Variants in RFC4 observed in about 807,000 individuals in gnomAD.
RFC4 encodes A1 37 kDa subunit.
In RFC4, 38 loss-of-function variants were observed where a neutral mutation model predicts 47.6. The ratio of observed to expected loss-of-function variants is 0.80; its 90% CI spans 0.62 to 1.05. RFC4 has a LOEUF of 1.05. Among genes scored for constraint, RFC4 ranks in the 50% least tolerant of loss-of-function variants. RFC4 has a pLI of 0.00. For missense variants in RFC4, 489 were observed against 434.0 expected (o/e 1.13, Z -1.13); for synonymous variants, 164 against 150.0 (o/e 1.09, Z -0.68).
intron 4 of RFC4, among the ~76,000 whole-genome samples, chr3:186,795,083 C>T (rs1054975085): frequency 7.2e-5 from 11 of 152,240 alleles, no homozygotes; most frequent in African/African-American, 2.7e-4. Context: ...TGGCTCACTG[C>T]AGCCTTGAAC....
chr3:186,792,614 T>C lies in RFC4; in HGVS notation c.555-4A>G. 1.2e-6 allele frequency: 2 copies of C among 1,608,536 alleles called. No homozygotes were observed. The highest frequency in any genetic ancestry group is 1.7e-6 in the Non-Finnish European group (2 of 1,177,494). The stretch of plus-strand genomic sequence containing the variant: ...AGAGGTCAGGGGTTCAATTATTCTG[T>C]GGAAGATGAGAAAAACCAAGTTGGT... On this transcript the variant is annotated splice_polypyrimidine_tract_variant and splice_region_variant and intron_variant, in intron 6 of 10. Transcript: ENST00000296273.
chr3:186,806,112 A>G (rs1274358045), intron 1 of RFC4, among the ~76,000 whole-genome samples, 178 bp downstream of exon 1: 1 of 152,228 alleles, frequency 6.6e-6, no homozygotes, highest in East Asian at 1.9e-4. Context: ...ACATTAATAC[A>G]GCCCAAAGCC....
chr3:186,798,572 T>C lies in RFC4; in HGVS notation c.211-958A>G, dbSNP rs557060250. On this transcript the variant is annotated intron_variant, in intron 3 of 10. Coordinates refer to ENST00000296273, the MANE Select transcript of RFC4 (RefSeq NM_002916.5). ...CCAAAAAACCCTCAGCTTTTTACCA[T>C]GGCCTAAAGGACTTCCATGATCTGC... Among the ~76,000 whole-genome samples the C allele has an allele frequency of 4.6e-5, 7 of 152,224 alleles. No individual in the cohort carries two copies. The South Asian group carries it at 1.4e-3, about 32-fold the overall frequency.
intron 3 of RFC4, among the ~76,000 whole-genome samples, chr3:186,798,314 C>T (rs73886088): frequency 0.016 from 2,392 of 152,142 alleles, 55 homozygotes; most frequent in African/African-American, 0.053. Context: ...GTCGACTGAT[C>T]CGTGGTGAAA....
chr3:186,798,442 A>C (rs1032637149), intron 3 of RFC4, among the ~76,000 whole-genome samples: 2 of 151,956 alleles, frequency 1.3e-5, no homozygotes, highest in East Asian at 3.9e-4. Flanking sequence ...GTTTGTTTCC[A>C]CTCTTGCCTA....
At chr3:186,792,372 T>A in intron 7 of RFC4, 118 bp downstream of exon 7, 2 of 806,586 alleles carry the variant, frequency 2.5e-6, no homozygotes, top group Non-Finnish European at 3.9e-6. Flanking sequence ...TAGCTTAAGT[T>A]TGTCTGAAGA....
At chr3:186,803,450 T>C (rs1722402998) in intron 2 of RFC4, among the ~76,000 whole-genome samples, 1 of 152,208 alleles carries the variant, frequency 6.6e-6, no homozygotes, top group Non-Finnish European at 1.5e-5. Flanking sequence ...TTACCGAGGC[T>C]ACATTCAACC....
intron 2 of RFC4, among the ~76,000 whole-genome samples, chr3:186,801,710 C>CAAAAAAAAA (rs34281312): frequency 4.1e-5 from 3 of 72,896 alleles, no homozygotes; most frequent in African/African-American, 1.1e-4. Flanking sequence ...GACTCTGTCT[C>CAAAAAAAAA]AAAAAAAAAA....
chr3:186,797,879 C>A (rs939237910), intron 3 of RFC4, among the ~76,000 whole-genome samples: 1 of 152,174 alleles, frequency 6.6e-6, no homozygotes, highest in African/African-American at 2.4e-5. Flanking sequence ...TATAGCTAAT[C>A]CACTTAGGTG....
chr3:186,795,312 G>A (rs1016466579), intron 4 of RFC4, among the ~76,000 whole-genome samples: 4 of 152,174 alleles, frequency 2.6e-5, no homozygotes, highest in South Asian at 4.1e-4. Flanking sequence ...ATTTTAAATC[G>A]ATTTTCCACT....
At chr3:186,790,502 C>A in intron 8 of RFC4, 96 bp from the exon 9 acceptor site, 1 of 846,582 alleles carries the variant, frequency 1.2e-6, no homozygotes, top group Non-Finnish European at 2.0e-6. Flanking sequence ...ATTTCTGTTC[C>A]ACACCTAAGT....
chr3:186,793,502 G>GTA lies in RFC4; in HGVS notation c.411-557_411-556dup, dbSNP rs1435730421. Among the ~76,000 whole-genome samples, 1 of 152,172 alleles carries GTA rather than the reference G, an allele frequency of 6.6e-6. No individual in the cohort carries two copies. Among genetic ancestry groups the GTA allele is most frequent in the Admixed American group, 6.5e-5 (1 of 15,280 alleles). ...GAGCAGACATGTCTTCCAAGAGGCTGTACCATTTTACATTCCAACCAGCAA... is the reference window on the plus strand; with the variant it reads ...GAGCAGACATGTCTTCCAAGAGGCTGTATACCATTTTACATTCCAACCAGCAA... On this transcript the variant is annotated intron_variant, in intron 5 of 10. Transcript: ENST00000296273. This position sits in a 1 kb window ranked among gnomAD's most constrained non-coding sequence, Gnocchi z 4.2.
In RFC4 at chr3:186,790,314, A is replaced by AGCTGACTTTACCTTGACCACAGCT. The variant is rs1560089382; in HGVS notation, c.870_882+11dup. The AGCTGACTTTACCTTGACCACAGCT allele has an allele frequency of 6.2e-7, 1 of 1,611,856 alleles. No individual in the cohort carries two copies. The highest frequency in any genetic ancestry group is 1.3e-5 in the African/African-American group (1 of 74,894). On this transcript the variant is annotated intron_variant, in intron 9 of 10. Transcript: ENST00000296273. ...AATATTCCTTTCCCCAAAGTTAGTA[A>AGCTGACTTTACCTTGACCACAGCT]GCTGACTTTACCTTGACCACAGCTT...
In RFC4 at chr3:186,804,047, G is replaced by C. The variant is rs555351221; in HGVS notation, c.131+536C>G. On this transcript the variant is annotated intron_variant, in intron 2 of 10. Transcript: ENST00000296273. ...AAATACAAAAAATTAGCCAGGTGTG[G>C]TGGTGGGCACCTGTAATCCCTACTA... 4.6e-5 allele frequency among the ~76,000 whole-genome samples: 7 copies of C among 152,124 alleles called. No individual in the cohort carries two copies. The South Asian group carries it at 1.0e-3, about 23-fold the overall frequency.
At chr3:186,803,864 C>T (rs1722416799) in intron 2 of RFC4, among the ~76,000 whole-genome samples, 1 of 151,908 alleles carries the variant, frequency 6.6e-6, no homozygotes, top group African/African-American at 2.4e-5. Flanking sequence ...GTTGTTTGGA[C>T]AAAAATGTAT....
chr3:186,790,318 G>T lies in RFC4; in HGVS notation c.882+8C>A. The T allele has an allele frequency of 1.2e-6, 2 of 1,611,940 alleles. No homozygotes were observed. Among genetic ancestry groups the T allele is most frequent in the South Asian group, 1.1e-5 (1 of 91,024 alleles). On this transcript the variant is annotated splice_region_variant and intron_variant, in intron 9 of 10. Transcript: ENST00000296273. ...TTCCTTTCCCCAAAGTTAGTAAGCT[G>T]ACTTTACCTTGACCACAGCTTCTAG...
intron 8 of RFC4, 43 bp downstream of exon 8, chr3:186,791,682 A>G (rs1362254911): frequency 6.2e-7 from 1 of 1,600,282 alleles, no homozygotes; most frequent in East Asian, 2.2e-5. Flanking sequence ...AAAGCCACAA[A>G]AAAGCCAACT....
chr3:186,795,774 T>C (rs922243381), intron 4 of RFC4, among the ~76,000 whole-genome samples: 1 of 151,974 alleles, frequency 6.6e-6, no homozygotes, highest in Non-Finnish European at 1.5e-5. Flanking sequence ...GCCTGGGCAA[T>C]AGAGCGAGAC....
At position 186,796,309 on chromosome 3, in the gene RFC4, TTCAGATTGGTTCTA is replaced by T. The variant is rs1722243605; in HGVS notation, c.290+1212_290+1225del. ...AATAATAAACAACTGTTAAGGCTGA[TTCAGATTGGTTCTA>T]TCTGATTGAGTTGTGGAATAATCAA... On this transcript the variant is annotated intron_variant, in intron 4 of 10. Transcript: ENST00000296273. This position sits in a 1 kb window ranked among gnomAD's most constrained non-coding sequence, Gnocchi z 4.2. 6.6e-6 allele frequency among the ~76,000 whole-genome samples: 1 copy of T among 152,238 alleles called. No individual in the cohort carries two copies. The highest frequency in any genetic ancestry group is 1.5e-5 in the Non-Finnish European group (1 of 68,038).
Sources: allele counts gnomAD v4.1 joint callset (sites outside exome capture counted in the v4.1 genomes callset), GRCh38; gene constraint gnomAD v4.1.1; non-coding constraint Gnocchi (gnomAD v3.1); transcripts MANE v1.5; gene names NCBI Gene and HGNC (gene_info 2026-07-23, HGNC 2026-07-21).